Variants in LIG3 observed in about 807,000 individuals in gnomAD.
The protein encoded by LIG3 is ligase II, DNA, ATP-dependent.
LIG3 carries 58 observed loss-of-function variants against 110.9 expected under a neutral mutation model. The ratio of observed to expected loss-of-function variants is 0.52; its 90% CI spans 0.42 to 0.65. LIG3 has a LOEUF of 0.65. LIG3 is among the 30% of genes least tolerant of loss of function. The pLI is 0.00. For synonymous variants in LIG3, 422 were observed against 472.8 expected (o/e 0.89, Z 1.39); for missense variants, 1,094 against 1,273.8 (o/e 0.86, Z 2.15).
chr17:34,990,976 TGA>T lies in LIG3; in HGVS notation c.904_905del (p.Asp302CysfsTer14). On this transcript the variant is annotated frameshift_variant, in exon 5 of 20. Coordinates refer to ENST00000378526, the MANE Select transcript of LIG3 (RefSeq NM_013975.4). LOFTEE classifies it high-confidence loss of function. ...TTCTGTCTCCAGATGGTTTCCACGG[TGA>T]TGTGTACCTAACAGTGAAGCTGCTG... is the stretch of plus-strand genomic sequence containing the variant. ...KGSAGDGFHG[D>X]VYLTVKLLLP... 6.2e-7 allele frequency: 1 copy of T among 1,614,078 alleles called. No individual in the cohort carries two copies. The highest frequency in any genetic ancestry group is 8.5e-7 in the Non-Finnish European group (1 of 1,179,962).
In LIG3 at chr17:35,005,086, A is replaced by G. The variant is rs531031762; in HGVS notation, c.*580A>G. On this transcript the variant is annotated 3_prime_UTR_variant, in exon 20 of 20. Coordinates refer to ENST00000378526, the MANE Select transcript of LIG3 (RefSeq NM_013975.4). ...TTTCTTCTCTGTGTTCTCCTATTAC[A>G]TGGTGAGGATCCCCAGTTTGAAGGG... 1.1e-3 allele frequency: 373 copies of G among 337,712 alleles called. 2 individuals are homozygous for G. Among genetic ancestry groups the G allele is most frequent in the South Asian group, 8.5e-3 (351 of 41,260 alleles). The allele number at this position is 337,712 out of a possible 1,614,324, so 20.9% of individuals were successfully genotyped here.
At position 34,996,064 on chromosome 17, in the gene LIG3, G is replaced by T; in HGVS notation, c.1612G>T (p.Val538Leu). 1 of 1,612,366 alleles carries T rather than the reference G, an allele frequency of 6.2e-7. No individual in the cohort carries two copies. The highest frequency in any genetic ancestry group is 8.5e-7 in the Non-Finnish European group (1 of 1,178,944). Residue 538 changes from valine (V) to leucine (L), a missense_variant and splice_region_variant, in exon 10 of 20, where the codon GTG becomes TTG. By Grantham distance (32) the Val-to-Leu change is conservative. Coordinates refer to ENST00000378526, the MANE Select transcript of LIG3 (RefSeq NM_013975.4). ...RSLKPVLPHKVAHFKDYIPQA... is the reference protein window; with the variant it reads ...RSLKPVLPHKLAHFKDYIPQA... ...ACCAAAGCTCCCCTTCTGCTTTCAGGTGGCCCACTTTAAGGACTACATTCC... is the reference window on the plus strand; with the variant it reads ...ACCAAAGCTCCCCTTCTGCTTTCAGTTGGCCCACTTTAAGGACTACATTCC...
chr17:35,000,234 T>A (rs1171916232), intron 16 of LIG3, among the ~76,000 whole-genome samples: 2 of 152,188 alleles, frequency 1.3e-5, no homozygotes, highest in African/African-American at 4.8e-5. Context: ...GTTTCCCAGC[T>A]GTTAGCCAAA....
rs774970656 is a variant in LIG3, at chr17:35,002,140, G to A, written c.2674+36G>A. ...GGAGGGGGCTGGTATGGTGAAGAGG[G>A]CGGTGTGAGGGGCAGAGATCCAAGG... On this transcript the variant is annotated intron_variant, in intron 18 of 19. Coordinates refer to ENST00000378526, the MANE Select transcript of LIG3 (RefSeq NM_013975.4). 8 of 1,501,874 alleles carry A rather than the reference G, an allele frequency of 5.3e-6. No homozygotes were observed. In the South Asian group the frequency reaches 5.4e-5, roughly 10 times the overall value. 93.0% of individuals were successfully genotyped at this position (1,501,874 alleles called of 1,614,324 possible).
intron 17 of LIG3, 47 bp from the exon 18 acceptor site, chr17:35,001,862 A>G (rs746576730): frequency 1.6e-5 from 25 of 1,557,496 alleles, no homozygotes; most frequent in Non-Finnish European, 2.0e-5. Flanking sequence ...CTGAGGCCAG[A>G]CTGGGAAGGC....
intron 3 of LIG3, among the ~76,000 whole-genome samples, chr17:34,988,052 G>T (rs1003621627): frequency 6.6e-6 from 1 of 151,818 alleles, no homozygotes; most frequent in Admixed American, 6.6e-5. Flanking sequence ...AATTAGCCGG[G>T]CGTGGTGGCA....
In LIG3 at chr17:34,991,852, T is replaced by C; in HGVS notation, c.1208+15T>C. 1 of 1,614,002 alleles carries C rather than the reference T, an allele frequency of 6.2e-7. No individual in the cohort carries two copies. The highest frequency in any genetic ancestry group is 8.5e-7 in the Non-Finnish European group (1 of 1,179,948). Reference sequence around the variant, plus strand: ...ATTGCCTCCAGGTGGGGGAGCTGCCTCCGTCAAACCATGCCCATAGAGAGA... The same window carrying C: ...ATTGCCTCCAGGTGGGGGAGCTGCCCCCGTCAAACCATGCCCATAGAGAGA... On this transcript the variant is annotated intron_variant, in intron 6 of 19. Transcript: ENST00000378526.
Position 34,983,446 on chromosome 17 carries a change from A to G in LIG3, c.441A>G (p.Leu147=). The change falls in exon 2 of 20, where the codon CTA becomes CTG. Residue 147 remains leucine (L), a synonymous_variant. Coordinates refer to ENST00000378526, the MANE Select transcript of LIG3 (RefSeq NM_013975.4). ...WYHIKCMFEK[L]ERARATTKKI... Reference sequence around the variant, plus strand: ...ACATTAAATGCATGTTTGAGAAACTAGAGCGGGCCCGGGCCACCACAAAAA... The same window carrying G: ...ACATTAAATGCATGTTTGAGAAACTGGAGCGGGCCCGGGCCACCACAAAAA... The G allele has an allele frequency of 2.5e-6, 4 of 1,614,192 alleles. No individual in the cohort carries two copies. The highest frequency in any genetic ancestry group is 2.2e-5 in the East Asian group (1 of 44,888).
At chr17:34,981,834 A>G (rs2090597107) in intron 1 of LIG3, among the ~76,000 whole-genome samples, 1 of 152,274 alleles carries the variant, frequency 6.6e-6, no homozygotes, top group South Asian at 2.1e-4. Context: ...GAAAACATGA[A>G]TATAAGAAGA....
At chr17:34,989,044 G>A (rs1216400008) in intron 3 of LIG3, among the ~76,000 whole-genome samples, 2 of 151,546 alleles carry the variant, frequency 1.3e-5, no homozygotes, top group African/African-American at 4.9e-5. Context: ...ATCTTACTAT[G>A]TTGCCCAGGC....
intron 12 of LIG3, 37 bp downstream of exon 12, chr17:34,997,862 G>A: frequency 6.5e-7 from 1 of 1,533,308 alleles, no homozygotes; most frequent in Non-Finnish European, 9.0e-7. Context: ...TGTCCTAGAA[G>A]TTTGAAAGCA....
At chr17:34,992,235 T>C (rs1164276280) in intron 7 of LIG3, among the ~76,000 whole-genome samples, 200 bp downstream of exon 7, 1 of 152,238 alleles carries the variant, frequency 6.6e-6, no homozygotes, top group African/African-American at 2.4e-5. Flanking sequence ...AGTACCTTTC[T>C]CACAGAGTTC....
chr17:34,992,214 A>G (rs2090729299), intron 7 of LIG3, among the ~76,000 whole-genome samples, 179 bp downstream of exon 7: 1 of 152,236 alleles, frequency 6.6e-6, no homozygotes, highest in African/African-American at 2.4e-5. Flanking sequence ...CCCATATAAA[A>G]TGGAGATAAC....
At chr17:34,999,711 T>G (rs2090819324) in intron 15 of LIG3, 71 bp from the exon 16 acceptor site, 7 of 1,383,164 alleles carry the variant, frequency 5.1e-6, no homozygotes, top group Non-Finnish European at 7.2e-6. Context: ...TATAATCTCA[T>G]TACCAAGAGA....
In LIG3 at chr17:34,990,945, G is replaced by A; in HGVS notation, c.890-18G>A. On this transcript the variant is annotated intron_variant, in intron 4 of 19. Coordinates refer to ENST00000378526, the MANE Select transcript of LIG3 (RefSeq NM_013975.4). ...TGTTTAAGCTCTATTTCTCAAGAAG[G>A]GTTCCTTCTGTCTCCAGATGGTTTC... 1 of 1,611,574 alleles carries A rather than the reference G, an allele frequency of 6.2e-7. No individual in the cohort carries two copies. Among genetic ancestry groups the A allele is most frequent in the Non-Finnish European group, 8.5e-7 (1 of 1,178,448 alleles).
intron 5 of LIG3, chr17:34,991,449 A>G: frequency 1.7e-6 from 1 of 590,022 alleles, no homozygotes; most frequent in East Asian, 2.9e-5. Flanking sequence ...GGCTTTACCA[A>G]GCTTTGGTTT....
intron 9 of LIG3, among the ~76,000 whole-genome samples, chr17:34,995,022 A>C: frequency 6.6e-6 from 1 of 152,198 alleles, no homozygotes; most frequent in Non-Finnish European, 1.5e-5. Flanking sequence ...CTCCACTCCC[A>C]AGGATACTGT....
chr17:34,991,198 T>C, intron 5 of LIG3, 84 bp downstream of exon 5: 2 of 1,282,098 alleles, frequency 1.6e-6, no homozygotes, highest in Non-Finnish European at 2.2e-6. Flanking sequence ...TTTTTTTTTC[T>C]GGTTGGGACA....
rs2090911234 is a variant in LIG3 at position 35,008,426 on chromosome 17, T to C, written c.*3920T>C. The stretch of plus-strand genomic sequence containing the variant: ...CATCCCAGGATTAGCTTGTGGTTTA[T>C]CAGTTGTCAATTTTTTTTTTTTTTT... On this transcript the variant is annotated 3_prime_UTR_variant, in exon 20 of 20. Transcript: ENST00000378526. 1 of 151,938 alleles carries C rather than the reference T, an allele frequency of 6.6e-6. No individual in the cohort carries two copies. The highest frequency in any genetic ancestry group is 2.4e-5 in the African/African-American group (1 of 41,364). The allele number at this position is 151,938 out of a possible 1,614,324, so 9.4% of individuals were successfully genotyped here.
Sources: allele counts gnomAD v4.1 joint callset (sites outside exome capture counted in the v4.1 genomes callset), GRCh38; gene constraint gnomAD v4.1.1; transcripts MANE v1.5; gene names NCBI Gene and HGNC (gene_info 2026-07-23, HGNC 2026-07-21).